ADAM20: variants seen among roughly 807,000 people sequenced by gnomAD.
The protein encoded by ADAM20 is disintegrin and metalloproteinase domain-containing protein 20.
For synonymous variants in ADAM20, 305 were observed against 310.2 expected, an observed-to-expected ratio of 0.98 and a Z score of 0.18; for missense variants, 871 against 883.2, an observed-to-expected ratio of 0.99 and a Z score of 0.18.
At chr14:70,528,121 A>T (rs533171732) in intron 1 of ADAM20, among the ~76,000 whole-genome samples, 2 of 152,224 alleles carry the variant, frequency 1.3e-5, no homozygotes, top group Admixed American at 6.5e-5. Context: ...AAAATATAGC[A>T]GAAATATTGT....
At chr14:70,542,369 T>C in the ADAM20 span, among the ~76,000 whole-genome samples, 1 of 152,210 alleles carries the variant, frequency 6.6e-6, no homozygotes. Context: ...GTGCTTTCCT[T>C]TAAGGAATCA....
At chr14:70,556,830 A>G in the ADAM20 span, 1 of 152,238 alleles carries the variant, frequency 6.6e-6, no homozygotes, top group Admixed American at 6.5e-5. Context: ...ATTTAGGTAT[A>G]CATGGGAGTA....
the ADAM20 span, among the ~76,000 whole-genome samples, chr14:70,543,528 G>T: frequency 6.6e-6 from 1 of 152,152 alleles, no homozygotes; most frequent in Non-Finnish European, 1.5e-5. Context: ...ATAATTTAAA[G>T]AAGGGGCTAA....
chr14:70,571,058 C>T, the ADAM20 span, among the ~76,000 whole-genome samples: 1 of 152,244 alleles, frequency 6.6e-6, no homozygotes, highest in African/African-American at 2.4e-5. Flanking sequence ...TCCAGCATCC[C>T]TTCATAAAAA....
the ADAM20 span, among the ~76,000 whole-genome samples, chr14:70,554,821 C>T: frequency 6.6e-6 from 1 of 152,048 alleles, no homozygotes; most frequent in Admixed American, 6.6e-5. Flanking sequence ...AGGTTCTTGG[C>T]ATCTTGAAAA....
the ADAM20 span, among the ~76,000 whole-genome samples, chr14:70,575,476 A>T: frequency 1.3e-5 from 2 of 152,252 alleles, no homozygotes; most frequent in East Asian, 1.9e-4. Context: ...CACGTTAACT[A>T]TTCTTTACAA....
intron 1 of ADAM20, among the ~76,000 whole-genome samples, chr14:70,526,616 CA>C (rs1365420825): frequency 6.6e-6 from 1 of 152,090 alleles, no homozygotes; most frequent in Non-Finnish European, 1.5e-5. Context: ...GGTTATAATA[CA>C]AAAGTTTATT....
the ADAM20 span, among the ~76,000 whole-genome samples, chr14:70,554,029 G>A: frequency 2.2e-4 from 34 of 152,030 alleles, no homozygotes; most frequent in Admixed American, 2.0e-3. Context: ...CCTTATATTC[G>A]GAAAACCTAA....
the ADAM20 span, among the ~76,000 whole-genome samples, chr14:70,554,997 C>T: frequency 6.6e-6 from 1 of 152,144 alleles, no homozygotes; most frequent in Non-Finnish European, 1.5e-5. Flanking sequence ...TTGGTTGCTT[C>T]GGGTATGCCC....
the ADAM20 span, among the ~76,000 whole-genome samples, chr14:70,541,246 A>AT: frequency 1.3e-5 from 2 of 152,232 alleles, no homozygotes; most frequent in Non-Finnish European, 2.9e-5. Flanking sequence ...GAAATGTACA[A>AT]TTTAAAAGTG....
chr14:70,557,975 A>G, the ADAM20 span, among the ~76,000 whole-genome samples: 3 of 152,146 alleles, frequency 2.0e-5, no homozygotes, highest in Non-Finnish European at 4.4e-5. Flanking sequence ...CTTAAAAAGG[A>G]CTCATTTCTC....
At position 70,524,306 on chromosome 14, in the gene ADAM20, G is replaced by A. The variant is rs1883532764; in HGVS notation, c.452C>T (p.Ser151Phe). 1.9e-6 allele frequency: 3 copies of A among 1,613,846 alleles called. No homozygotes were observed. Among genetic ancestry groups the A allele is most frequent in the Non-Finnish European group, 2.5e-6 (3 of 1,179,914 alleles). ...ATATACTAGGTGTTCAAATGTGGCA[G>A]AAACACTAATTGGCTTGATTTCATA... ...LVYEIKPISV[S>F]ATFEHLVYKI... The change falls in exon 2 of 2, where the codon TCT becomes TTT. Residue 151 changes from serine to phenylalanine, a missense_variant. Physicochemically the swap from Ser to Phe is radical, Grantham distance 155. Coordinates refer to ENST00000256389, the MANE Select transcript of ADAM20 (RefSeq NM_003814.5).
In ADAM20 at chr14:70,523,778, A is replaced by C; in HGVS notation, c.980T>G (p.Val327Gly). The C allele has an allele frequency of 6.2e-7, 1 of 1,614,082 alleles. No homozygotes were observed. Among genetic ancestry groups the C allele is most frequent in the South Asian group, 1.1e-5 (1 of 91,086 alleles). The change falls in exon 2 of 2, where the codon GTT (valine) becomes GGT (glycine). Residue 327 changes from valine to glycine, a missense_variant. By Grantham distance (109) the Val-to-Gly change is moderately radical. Coordinates refer to ENST00000256389, the MANE Select transcript of ADAM20 (RefSeq NM_003814.5). ...AACGACCAACCTGTTGTCTTCAAAAACATCAACTCCAGTATTAAAAGGATT... is the reference window on the plus strand; with the variant it reads ...AACGACCAACCTGTTGTCTTCAAAACCATCAACTCCAGTATTAAAAGGATT... The part of the protein sequence containing the change: ...CQNPFNTGVD[V>G]FEDNRLVVFA...
chr14:70,541,069 G>A, the ADAM20 span, among the ~76,000 whole-genome samples: 1 of 152,070 alleles, frequency 6.6e-6, no homozygotes, highest in Non-Finnish European at 1.5e-5. Context: ...GGGATTACAG[G>A]TGTGCGCCAC....
At chr14:70,541,017 T>C in the ADAM20 span, among the ~76,000 whole-genome samples, 1 of 152,042 alleles carries the variant, frequency 6.6e-6, no homozygotes, top group Non-Finnish European at 1.5e-5. Flanking sequence ...AGTCTCGATC[T>C]CTTGACCTCA....
chr14:70,532,339 C>T (rs145898597), intron 1 of ADAM20, among the ~76,000 whole-genome samples: 1 of 151,854 alleles, frequency 6.6e-6, no homozygotes, highest in East Asian at 1.9e-4. Flanking sequence ...GAAATAAAAA[C>T]ATAAAAATAA....
chr14:70,558,231 G>C, the ADAM20 span, among the ~76,000 whole-genome samples: 80 of 152,278 alleles, frequency 5.3e-4, no homozygotes, highest in African/African-American at 1.8e-3. Context: ...ATTATAAAGA[G>C]ATATAAAAAG....
intron 1 of ADAM20, among the ~76,000 whole-genome samples, chr14:70,529,859 C>A (rs1394521764): frequency 6.6e-6 from 1 of 152,138 alleles, no homozygotes; most frequent in Non-Finnish European, 1.5e-5. Context: ...TTAAAAATTT[C>A]TTTAATAATA....
chr14:70,547,091 A>G, the ADAM20 span, among the ~76,000 whole-genome samples: 19 of 152,226 alleles, frequency 1.2e-4, no homozygotes, highest in Non-Finnish European at 2.4e-4. Flanking sequence ...AAATTGGAAA[A>G]TCTAGAAGAA....
Sources: allele counts gnomAD v4.1 joint callset (sites outside exome capture counted in the v4.1 genomes callset), GRCh38; gene constraint gnomAD v4.1.1; transcripts MANE v1.5; gene names NCBI Gene and HGNC (gene_info 2026-07-23, HGNC 2026-07-21).